The following MEG3 variants were observed in gnomAD, a reference collection of about 807,000 sequenced individuals.
MEG3 encodes maternally expressed 3.
chr14:100,857,349 C>T (rs910190449), exon 1 of MEG3: 1 of 152,214 alleles, frequency 6.6e-6, no homozygotes, highest in Non-Finnish European at 1.5e-5. Flanking sequence ...CCATAGGTCA[C>T]CTGAAAGCCT....
chr14:100,839,480 G>A lies in MEG3; in HGVS notation n.3045+3180G>A, dbSNP rs1419937108. The stretch of plus-strand genomic sequence containing the variant: ...TTTGAAACGAGGCCTCAGATGTGGG[G>A]TTCCTGGTCTGGAAAGGGGAAGGAT... On this transcript the variant is annotated intron_variant and non_coding_transcript_variant, in intron 2 of 3. Transcript: ENST00000398461. Among the ~76,000 whole-genome samples the A allele has an allele frequency of 5.9e-5, 9 of 152,226 alleles. 1 individual carries two copies. The highest frequency in any genetic ancestry group is 5.9e-4 in the Admixed American group (9 of 15,286).
chr14:100,827,934 G>A (rs1176641334), intron 1 of MEG3, among the ~76,000 whole-genome samples: 1 of 152,184 alleles, frequency 6.6e-6, no homozygotes, highest in Non-Finnish European at 1.5e-5. Flanking sequence ...GAGGGGCCTG[G>A]CGCAGGTCCG....
exon 2 of MEG3, chr14:100,860,867 T>G (rs1197974981): frequency 8.3e-6 from 3 of 359,436 alleles, no homozygotes; most frequent in African/African-American, 6.4e-5. Flanking sequence ...CCCTGAGGCC[T>G]AGGGGAGCTG....
intron 3 of MEG3, chr14:100,846,823 T>A (rs975355008): frequency 1.1e-4 from 16 of 152,224 alleles, no homozygotes; most frequent in African/African-American, 3.9e-4. Flanking sequence ...CTAAGGGGTA[T>A]GTGTAACTCA....
chr14:100,829,835 G>A (rs1238345043), downstream of MEG3: 4 of 152,196 alleles, frequency 2.6e-5, no homozygotes, highest in Non-Finnish European at 2.9e-5. Context: ...CACTTTCTAT[G>A]TGATATGAAC....
At chr14:100,855,805 G>A (rs1186132609), upstream of MEG3, 2 of 152,232 alleles carry the variant, frequency 1.3e-5, no homozygotes, top group African/African-American at 4.8e-5. Context: ...GTGACAAGGC[G>A]AGATCCCTGA....
exon 2 of MEG3, chr14:100,860,846 C>A (rs1429373536): frequency 2.7e-6 from 1 of 369,296 alleles, no homozygotes; most frequent in Non-Finnish European, 5.3e-6. Context: ...CCCCTGCCCA[C>A]CCCGCAGGAA....
At chr14:100,834,579 TTCTTCCTCG>T (rs2037499185) in exon 1 of MEG3, 1 of 414,036 alleles carries the variant, frequency 2.4e-6, no homozygotes, top group Admixed American at 2.6e-5. Flanking sequence ...TTCTGTTGCC[TTCTTCCTCG>T]TCTTCCTCTC....
exon 1 of MEG3, chr14:100,858,909 G>A (rs1049323508): frequency 2.6e-5 from 4 of 152,708 alleles, no homozygotes; most frequent in Admixed American, 2.6e-4. Context: ...GTGGGCCTTG[G>A]GGTCCCCTCA....
At chr14:100,834,512 C>G (rs1342980822) in exon 1 of MEG3, 2 of 341,606 alleles carry the variant, frequency 5.9e-6, no homozygotes, top group Admixed American at 3.8e-5. Context: ...TCTCGTTGCT[C>G]CCTTGAGTGT....
chr14:100,857,806 C>T (rs576847404), exon 1 of MEG3: 2 of 152,246 alleles, frequency 1.3e-5, no homozygotes, highest in East Asian at 3.9e-4. Context: ...ATGTATGCCC[C>T]TGCTTTCGTT....
In MEG3 at chr14:100,837,778, T is replaced by C. The variant is rs181944170; in HGVS notation, n.3045+1478T>C. Reference sequence around the variant, plus strand: ...GCAGCCCTGCACTTCTCCCCTGAAATTGAAATGGGATGGGGATATTATTTT... The same window carrying C: ...GCAGCCCTGCACTTCTCCCCTGAAACTGAAATGGGATGGGGATATTATTTT... On this transcript the variant is annotated intron_variant and non_coding_transcript_variant, in intron 2 of 3. Coordinates refer to the MEG3 transcript ENST00000398461. This position sits in a 1 kb window ranked among gnomAD's most constrained non-coding sequence, Gnocchi z 5.8. 7.9e-5 allele frequency among the ~76,000 whole-genome samples: 12 copies of C among 152,014 alleles called. No individual in the cohort carries two copies. The East Asian group carries it at 1.8e-3, about 22-fold the overall frequency.
At chr14:100,830,757 C>G (rs369902925), downstream of MEG3, 1 of 152,186 alleles carries the variant, frequency 6.6e-6, no homozygotes, top group Non-Finnish European at 1.5e-5. Flanking sequence ...TTTAAGCCAA[C>G]CAGTTTTGTC....
chr14:100,835,135 G>A (rs1351548239), exon 1 of MEG3: 1 of 318,294 alleles, frequency 3.1e-6, no homozygotes, highest in Non-Finnish European at 6.2e-6. Context: ...GCTATCCCCA[G>A]GGCTCTGCTC....
chr14:100,854,140 A>T (rs919827552), upstream of MEG3: 3 of 152,258 alleles, frequency 2.0e-5, no homozygotes, highest in African/African-American at 7.2e-5. Context: ...AGCTTACAGC[A>T]TTTTACAATG....
upstream of MEG3, chr14:100,854,108 TG>T (rs2038169708): frequency 6.6e-6 from 1 of 152,364 alleles, no homozygotes; most frequent in South Asian, 2.1e-4. Flanking sequence ...GATCTTTGTA[TG>T]GATGTTGAAT....
chr14:100,839,015 A>G (rs1346110871), intron 2 of MEG3, among the ~76,000 whole-genome samples: 1 of 152,214 alleles, frequency 6.6e-6, no homozygotes, highest in Non-Finnish European at 1.5e-5. Flanking sequence ...AACAGGATGC[A>G]TGTGTTTCTT....
At chr14:100,855,216 C>T (rs2038203120), upstream of MEG3, 1 of 152,666 alleles carries the variant, frequency 6.6e-6, no homozygotes, top group African/African-American at 2.4e-5. Context: ...TGAATTGCTC[C>T]ATCTACCCAT....
chr14:100,829,960 C>T (rs1161582304), downstream of MEG3: 1 of 152,104 alleles, frequency 6.6e-6, no homozygotes, highest in Non-Finnish European at 1.5e-5. Context: ...AGAGAGGACC[C>T]GTGAGGACTG....
Sources: gnomAD v4.1 joint callset for allele counts (sites outside exome capture counted in the v4.1 genomes callset) on GRCh38, gnomAD v4.1.1 for gene constraint, Gnocchi (gnomAD v3.1) non-coding constraint, MANE v1.5 for transcripts, NCBI Gene and HGNC (gene_info 2026-07-23, HGNC 2026-07-21) for gene names.